ZNF385D: variants seen among roughly 807,000 people sequenced by gnomAD.
The protein encoded by ZNF385D is zinc finger protein 385D.
ZNF385D carries 15 observed loss-of-function variants against 35.8 expected under a neutral mutation model. The observed-to-expected ratio is 0.42, with a 90% CI of 0.28 to 0.64. The LOEUF is 0.64. Among genes scored for constraint, ZNF385D ranks in the 30% least tolerant of loss-of-function variants. ZNF385D has a pLI of 0.23. For missense variants in ZNF385D, 474 were observed against 494.6 expected (o/e 0.96, Z 0.39); for synonymous variants, 212 against 186.8 (o/e 1.13, Z -1.10).
intron 3 of ZNF385D, among the ~76,000 whole-genome samples, chr3:22,162,334 G>A (rs1404855146): frequency 1.3e-5 from 2 of 152,070 alleles, no homozygotes; most frequent in Non-Finnish European, 2.9e-5. Context: ...TTGTGGGAGG[G>A]TTTACATCTG....
chr3:21,816,936 G>C lies in ZNF385D; in HGVS notation c.326-151908C>G, dbSNP rs549594214. 7.0e-4 allele frequency among the ~76,000 whole-genome samples: 107 copies of C among 152,042 alleles called. 1 individual carries two copies. The highest frequency in any genetic ancestry group is 3.4e-3 in the Middle Eastern group (1 of 294). ...TCACACTACCTGACTTCAAACTATA[G>C]TACAAGGCTACAGTAACCAAAACAG... On this transcript the variant is annotated intron_variant, in intron 3 of 5. Transcript: ENST00000494108.
chr3:22,140,776 A>C (rs568138926), intron 3 of ZNF385D, among the ~76,000 whole-genome samples: 36 of 152,328 alleles, frequency 2.4e-4, no homozygotes, highest in Non-Finnish European at 4.6e-4. Context: ...GAATCAATAT[A>C]AATTCTCAAG....
chr3:21,620,046 G>A (rs1032120825), intron 2 of ZNF385D, among the ~76,000 whole-genome samples: 1 of 152,058 alleles, frequency 6.6e-6, no homozygotes, highest in Admixed American at 6.6e-5. Flanking sequence ...CTAATGCACC[G>A]GTATGATTAA....
At chr3:21,580,734 TTA>T (rs1406831137) in intron 2 of ZNF385D, among the ~76,000 whole-genome samples, 1 of 152,038 alleles carries the variant, frequency 6.6e-6, no homozygotes, top group African/African-American at 2.4e-5. Context: ...ATCCTTGTTT[TTA>T]TGTTTTGCTC....
At chr3:21,501,858 T>G (rs1327517256) in intron 4 of ZNF385D, among the ~76,000 whole-genome samples, 2 of 152,244 alleles carry the variant, frequency 1.3e-5, no homozygotes, top group Admixed American at 1.3e-4. Context: ...ACAAAGCTAC[T>G]GGGAGTTTTA....
At chr3:21,738,977 C>T (rs1487475539) in intron 1 of ZNF385D, among the ~76,000 whole-genome samples, 1 of 152,182 alleles carries the variant, frequency 6.6e-6, no homozygotes, top group East Asian at 1.9e-4. Context: ...GTAGCTTCCC[C>T]ACTTACCAGT....
intron 3 of ZNF385D, among the ~76,000 whole-genome samples, chr3:22,048,844 C>A (rs1257946754): frequency 6.6e-6 from 1 of 152,086 alleles, no homozygotes; most frequent in African/African-American, 2.4e-5. Flanking sequence ...ATAGTACGGA[C>A]AATAATAATT....
chr3:22,236,948 G>T (rs988955107), intron 2 of ZNF385D, among the ~76,000 whole-genome samples: 6 of 151,984 alleles, frequency 3.9e-5, no homozygotes, highest in Admixed American at 1.3e-4. Flanking sequence ...TAAAAATCTG[G>T]GTTGTTTCCA....
chr3:22,262,004 A>G (rs1434790885), intron 2 of ZNF385D, among the ~76,000 whole-genome samples: 1 of 152,038 alleles, frequency 6.6e-6, no homozygotes, highest in African/African-American at 2.4e-5. Flanking sequence ...TGGTAGAAAT[A>G]GATTGATCCA....
In ZNF385D at chr3:22,033,341, G is replaced by T. The variant is rs1576193418; in HGVS notation, c.325+135476C>A. ...AACTTGAACCCAGGAGACAGAGGTT[G>T]CAGTGAGCCAAGATCATGCCACTGC... is the stretch of plus-strand genomic sequence containing the variant. On this transcript the variant is annotated intron_variant, in intron 3 of 5. Coordinates refer to the ZNF385D transcript ENST00000494108. 1.3e-5 allele frequency among the ~76,000 whole-genome samples: 2 copies of T among 151,714 alleles called. 1 individual carries two copies. The highest frequency in any genetic ancestry group is 4.2e-4 in the South Asian group (2 of 4,792).
intron 2 of ZNF385D, among the ~76,000 whole-genome samples, chr3:22,181,819 T>TTTAAA (rs1455192299): frequency 1.3e-5 from 2 of 152,212 alleles, no homozygotes; most frequent in Non-Finnish European, 2.9e-5. Context: ...AGAAGCAAGC[T>TTTAAA]GCCAAAGCTT....
intron 3 of ZNF385D, among the ~76,000 whole-genome samples, chr3:22,114,535 A>G (rs1056430851): frequency 1.3e-5 from 2 of 152,066 alleles, no homozygotes; most frequent in African/African-American, 4.8e-5. Context: ...GTATTAGGGA[A>G]GAGAGACAGG....
chr3:22,193,913 G>C (rs767326008), intron 2 of ZNF385D, among the ~76,000 whole-genome samples: 1 of 151,924 alleles, frequency 6.6e-6, no homozygotes, highest in Non-Finnish European at 1.5e-5. Flanking sequence ...GGGAATGTCA[G>C]TTTTATTGAA....
chr3:21,589,210 T>A (rs1250715619), intron 2 of ZNF385D, among the ~76,000 whole-genome samples: 1 of 152,106 alleles, frequency 6.6e-6, no homozygotes, highest in Non-Finnish European at 1.5e-5. Flanking sequence ...AGAAAAAGGC[T>A]GAAGGAAGTA....
intron 4 of ZNF385D, among the ~76,000 whole-genome samples, chr3:21,502,760 G>A (rs1055163576): frequency 4.6e-5 from 7 of 152,122 alleles, no homozygotes; most frequent in African/African-American, 1.7e-4. Flanking sequence ...CACTCTGCTA[G>A]CACTTATCAC....
intron 2 of ZNF385D, among the ~76,000 whole-genome samples, chr3:21,594,821 G>C (rs1178202371): frequency 6.6e-6 from 1 of 151,860 alleles, no homozygotes; most frequent in African/African-American, 2.4e-5. Context: ...CCATGACCTG[G>C]GATATAACTT....
chr3:22,358,276 C>T (rs1696246569), intron 2 of ZNF385D, among the ~76,000 whole-genome samples: 1 of 151,808 alleles, frequency 6.6e-6, no homozygotes, highest in South Asian at 2.1e-4. Flanking sequence ...AAAAGTCTGG[C>T]ATCAATTCCA....
intron 3 of ZNF385D, among the ~76,000 whole-genome samples, chr3:21,882,049 A>C (rs2630812): frequency 0.37 from 55,971 of 151,826 alleles, 10,484 homozygotes; most frequent in South Asian, 0.54. Flanking sequence ...CTCCTAGTGA[A>C]GATGCTTTGA....
chr3:22,321,891 G>C (rs1694454247), intron 2 of ZNF385D, among the ~76,000 whole-genome samples: 1 of 151,908 alleles, frequency 6.6e-6, no homozygotes, highest in Admixed American at 6.6e-5. Flanking sequence ...TTTATTGAGT[G>C]TCTCAATATT....
Sources: gnomAD v4.1 joint callset for allele counts (sites outside exome capture counted in the v4.1 genomes callset) on GRCh38, gnomAD v4.1.1 for gene constraint, MANE v1.5 for transcripts, NCBI Gene and HGNC (gene_info 2026-07-23, HGNC 2026-07-21) for gene names.